DAB2IP: variants seen among roughly 807,000 people sequenced by gnomAD.
DAB2IP encodes disabled homolog 2-interacting protein.
DAB2IP carries 28 observed loss-of-function variants against 107.2 expected under a neutral mutation model. That is an observed-to-expected ratio of 0.26 (90% CI 0.19 to 0.36). The LOEUF (loss-of-function observed/expected upper bound fraction) is 0.36, where lower values mean the gene tolerates loss of function less well. Among genes scored for constraint, DAB2IP ranks in the 10% least tolerant of loss-of-function variants. The pLI is 1.00. For missense variants in DAB2IP, 1,400 were observed against 1,644.7 expected (o/e 0.85, Z 2.57); for synonymous variants, 755 against 706.4 (o/e 1.07, Z -1.09).
intron 1 of DAB2IP, among the ~76,000 whole-genome samples, chr9:121,606,828 G>A (rs1404315197): frequency 6.6e-6 from 1 of 151,516 alleles, no homozygotes; most frequent in Non-Finnish European, 1.5e-5. Flanking sequence ...AGGCTGGAGT[G>A]CAGTAGCGTG....
chr9:121,709,673 G>A (rs1244741189), intron 3 of DAB2IP, among the ~76,000 whole-genome samples: 2 of 152,138 alleles, frequency 1.3e-5, no homozygotes, highest in African/African-American at 4.8e-5. Flanking sequence ...CACATTACAT[G>A]TTCTGTCAGT....
At chr9:121,692,868 A>G (rs1163377303) in intron 2 of DAB2IP, among the ~76,000 whole-genome samples, 1 of 152,198 alleles carries the variant, frequency 6.6e-6, no homozygotes, top group African/African-American at 2.4e-5. Flanking sequence ...AGACCGGGGA[A>G]CAGGGAAGGG....
In DAB2IP at chr9:121,736,706, C is replaced by A. The variant is rs574047961; in HGVS notation, c.363-20307C>A. Reference sequence around the variant, plus strand: ...GCGCCCCCAAATCTTTTGGTTCCCCCGCTCCTGCCTTCCACTGCTCTGGCT... The same window carrying A: ...GCGCCCCCAAATCTTTTGGTTCCCCAGCTCCTGCCTTCCACTGCTCTGGCT... On this transcript the variant is annotated intron_variant, in intron 3 of 15. Transcript: ENST00000408936. The surrounding 1 kb of genome is among the most constrained non-coding windows in gnomAD (Gnocchi z 4.6). Among the ~76,000 whole-genome samples, 162 of 152,340 alleles carry A rather than the reference C, an allele frequency of 1.1e-3. 3 individuals are homozygous for A. The South Asian group carries it at 0.014, about 13-fold the overall frequency.
intron 1 of DAB2IP, among the ~76,000 whole-genome samples, chr9:121,655,275 C>T (rs1429554307): frequency 6.6e-6 from 1 of 152,194 alleles, no homozygotes; most frequent in Admixed American, 6.5e-5. Flanking sequence ...AGAAGGGTAT[C>T]ATCAGCAAGG....
At chr9:121,572,997 T>C (rs536064584) in intron 1 of DAB2IP, among the ~76,000 whole-genome samples, 1 of 152,166 alleles carries the variant, frequency 6.6e-6, no homozygotes, top group African/African-American at 2.4e-5. Context: ...ATGCTACTGC[T>C]GTAATAACTG....
chr9:121,669,408 A>T (rs1458010905), intron 1 of DAB2IP, among the ~76,000 whole-genome samples: 1 of 152,134 alleles, frequency 6.6e-6, no homozygotes, highest in Non-Finnish European at 1.5e-5. Context: ...CCTCTAGTTG[A>T]ATAAGTTGCA....
intron 1 of DAB2IP, among the ~76,000 whole-genome samples, chr9:121,639,935 C>T (rs372244906): frequency 9.2e-5 from 14 of 152,294 alleles, no homozygotes; most frequent in East Asian, 1.9e-4. Flanking sequence ...AGACTCTGCC[C>T]GGTGGGCCCA....
intron 6 of DAB2IP, among the ~76,000 whole-genome samples, chr9:121,761,340 A>G (rs1349942716): frequency 6.6e-6 from 1 of 152,228 alleles, no homozygotes; most frequent in African/African-American, 2.4e-5. Flanking sequence ...TGCTGGGCTA[A>G]GGACTGGGCC....
intron 1 of DAB2IP, among the ~76,000 whole-genome samples, chr9:121,587,258 G>A (rs955330621): frequency 6.6e-6 from 1 of 152,166 alleles, no homozygotes; most frequent in African/African-American, 2.4e-5. Flanking sequence ...AGTGTAGGCA[G>A]AGGAAACAGC....
chr9:121,647,159 G>A (rs1391698051), upstream of DAB2IP, among the ~76,000 whole-genome samples: 1 of 152,128 alleles, frequency 6.6e-6, no homozygotes, highest in East Asian at 1.9e-4. Context: ...CCCCACGCAT[G>A]AGCATCTCCC....
At chr9:121,705,415 C>T (rs1289093365) in intron 3 of DAB2IP, among the ~76,000 whole-genome samples, 1 of 152,216 alleles carries the variant, frequency 6.6e-6, no homozygotes, top group Non-Finnish European at 1.5e-5. Flanking sequence ...TATAAAGTTG[C>T]TGTTTTGGGA....
At chr9:121,658,095 G>A (rs1833043683) in intron 1 of DAB2IP, among the ~76,000 whole-genome samples, 1 of 152,174 alleles carries the variant, frequency 6.6e-6, no homozygotes, top group Non-Finnish European at 1.5e-5. Flanking sequence ...GGTCTTCTGC[G>A]GGGAGAGAAT....
In DAB2IP at chr9:121,782,214, G is replaced by A. The variant is rs1008104132; in HGVS notation, c.3403-117G>A. 3.2e-5 allele frequency: 47 copies of A among 1,488,214 alleles called. No individual in the cohort carries two copies. The Admixed American group carries it at 7.6e-4, about 24-fold the overall frequency. 92.2% of individuals were successfully genotyped at this position (1,488,214 alleles called of 1,614,324 possible). A position where few individuals can be genotyped will look rare whatever the true frequency, so the allele number is the denominator to read the frequency against. On this transcript the variant is annotated intron_variant, in intron 15 of 15. Coordinates refer to ENST00000408936, the Ensembl canonical transcript of DAB2IP. This position sits in a 1 kb window ranked among gnomAD's most constrained non-coding sequence, Gnocchi z 6.1. ...TTCTCTTGCCAGCTGCTCACAGCCC[G>A]GAGCCTGCCTGCCACCCTCATCTCC...
intron 1 of DAB2IP, among the ~76,000 whole-genome samples, chr9:121,664,169 G>A (rs1271462549): frequency 6.6e-6 from 1 of 152,058 alleles, no homozygotes; most frequent in African/African-American, 2.4e-5. Flanking sequence ...ATTTACCTCG[G>A]CACTGTTTTT....
chr9:121,687,743 T>C (rs185155399), intron 2 of DAB2IP, among the ~76,000 whole-genome samples: 3 of 152,282 alleles, frequency 2.0e-5, no homozygotes, highest in East Asian at 3.9e-4. Flanking sequence ...ATCTCACTCA[T>C]AGAAGGTGAC....
intron 3 of DAB2IP, among the ~76,000 whole-genome samples, chr9:121,728,516 T>C (rs554316665): frequency 5.3e-5 from 8 of 152,288 alleles, no homozygotes; most frequent in Non-Finnish European, 7.3e-5. Context: ...TGCCTGCCAA[T>C]AGGGAACTCA....
intron 1 of DAB2IP, among the ~76,000 whole-genome samples, chr9:121,602,826 C>T (rs917865717): frequency 4.6e-5 from 7 of 152,190 alleles, no homozygotes; most frequent in Non-Finnish European, 8.8e-5. Flanking sequence ...CCGCCCACCT[C>T]GGCCTCCCAA....
intron 3 of DAB2IP, among the ~76,000 whole-genome samples, chr9:121,718,310 A>G (rs1830719132): frequency 6.6e-6 from 1 of 152,172 alleles, no homozygotes; most frequent in Admixed American, 6.5e-5. Context: ...CAGATGGTGC[A>G]AGGGAGGCGT....
intron 3 of DAB2IP, among the ~76,000 whole-genome samples, chr9:121,743,949 A>T (rs546885420): frequency 9.1e-4 from 139 of 152,320 alleles, no homozygotes; most frequent in African/African-American, 3.0e-3. Context: ...AAAGCGGGAC[A>T]CCAAGAAGAG....
Sources: gnomAD v4.1 joint callset for allele counts (sites outside exome capture counted in the v4.1 genomes callset) on GRCh38, gnomAD v4.1.1 for gene constraint, Gnocchi (gnomAD v3.1) non-coding constraint, MANE v1.5 for transcripts, NCBI Gene and HGNC (gene_info 2026-07-23, HGNC 2026-07-21) for gene names.